The following RAD18 variants were observed in gnomAD, a reference collection of about 807,000 sequenced individuals.
RAD18 encodes E3 ubiquitin-protein ligase RAD18.
Under a neutral mutation model 60.4 loss-of-function variants are expected in RAD18, and 47 were observed. The ratio of observed to expected loss-of-function variants is 0.78; its 90% CI spans 0.62 to 0.99. RAD18 has a LOEUF of 0.99. RAD18 is among the 50% of genes least tolerant of loss of function. The pLI is 0.00. For missense variants in RAD18, 640 were observed against 593.3 expected, an observed-to-expected ratio of 1.08 and a Z score of -0.82; for synonymous variants, 225 against 195.5, an observed-to-expected ratio of 1.15 and a Z score of -1.26.
chr3:8,939,092 T>C (rs1940701153), intron 6 of RAD18, among the ~76,000 whole-genome samples: 2 of 152,056 alleles, frequency 1.3e-5, no homozygotes, highest in South Asian at 2.1e-4. Flanking sequence ...CCTTTTTATA[T>C]CATATATATT....
rs1939418281 is a variant in RAD18 at position 8,879,374 on chromosome 3, C to T, written c.*1983G>A. ...CTGCTGTCCCTACAAGAAATCGGGACACCAGTCCTGCACAGTCATGTGCAC... is the reference window on the plus strand; with the variant it reads ...CTGCTGTCCCTACAAGAAATCGGGATACCAGTCCTGCACAGTCATGTGCAC... On this transcript the variant is annotated 3_prime_UTR_variant, in exon 13 of 13. Transcript: ENST00000264926. 6.6e-6 allele frequency: 1 copy of T among 152,168 alleles called. No individual in the cohort carries two copies. Among genetic ancestry groups the T allele is most frequent in the African/African-American group, 2.4e-5 (1 of 41,442 alleles). 9.4% of individuals were successfully genotyped at this position (152,168 alleles called of 1,614,324 possible).
intron 1 of RAD18, 114 bp downstream of exon 1, chr3:8,963,221 C>A (rs1304009709): frequency 2.5e-6 from 3 of 1,202,614 alleles, no homozygotes; most frequent in African/African-American, 3.1e-5. Flanking sequence ...ATACCCGGGC[C>A]CAGTGCGACG....
chr3:8,937,938 C>A (rs1940679507), intron 6 of RAD18, among the ~76,000 whole-genome samples: 1 of 152,100 alleles, frequency 6.6e-6, no homozygotes, highest in South Asian at 2.1e-4. Flanking sequence ...AAACTGACAG[C>A]ATCAGAAATG....
chr3:8,940,707 GC>G (rs1940732850), intron 5 of RAD18, among the ~76,000 whole-genome samples: 1 of 152,210 alleles, frequency 6.6e-6, no homozygotes, highest in Non-Finnish European at 1.5e-5. Context: ...AAGTGCTATA[GC>G]ACTTTTGTGA....
At chr3:8,903,117 G>A (rs1158149623) in intron 9 of RAD18, among the ~76,000 whole-genome samples, 1 of 152,042 alleles carries the variant, frequency 6.6e-6, no homozygotes, top group Non-Finnish European at 1.5e-5. Context: ...TTTAAAAGCT[G>A]CCAAGCATAA....
intron 12 of RAD18, among the ~76,000 whole-genome samples, chr3:8,888,095 C>A (rs1158408468): frequency 6.6e-6 from 1 of 152,190 alleles, no homozygotes; most frequent in African/African-American, 2.4e-5. Flanking sequence ...CCTTGCCTTT[C>A]CTGAGAAAAC....
At position 8,935,902 on chromosome 3, in the gene RAD18, A is replaced by G. The variant is rs762360730; in HGVS notation, c.858T>C (p.Asn286=). The change falls in exon 7 of 13, where the codon AAT becomes AAC. Residue 286 remains asparagine (N), a synonymous_variant. Transcript: ENST00000264926. ...TAGGATGCAAAGCATCGCATTGGGC[A>G]TTGTACATGTGTACAAATTCTTGGT... ...KRHQEFVHMY[N]AQCDALHPKS... 9 of 1,605,704 alleles carry G rather than the reference A, an allele frequency of 5.6e-6. No individual in the cohort carries two copies. Among genetic ancestry groups the G allele is most frequent in the Admixed American group, 1.7e-5 (1 of 58,352 alleles).
intron 7 of RAD18, 55 bp downstream of exon 7, chr3:8,935,816 A>G: frequency 7.3e-7 from 1 of 1,375,580 alleles, no homozygotes; most frequent in African/African-American, 1.5e-5. Flanking sequence ...TTTCTGAGCT[A>G]CACAAAATTG....
chr3:8,913,588 A>T, intron 8 of RAD18, 56 bp downstream of exon 8: 1 of 1,189,578 alleles, frequency 8.4e-7, no homozygotes, highest in Non-Finnish European at 1.1e-6. Flanking sequence ...TAATTTTTGT[A>T]GGGTATTAAA....
chr3:8,889,565 T>C (rs1365149796), intron 12 of RAD18, among the ~76,000 whole-genome samples: 1 of 151,984 alleles, frequency 6.6e-6, no homozygotes, highest in African/African-American at 2.4e-5. Context: ...AGCTGCTGAG[T>C]AGGGGTGTAA....
At chr3:8,897,884 G>C (rs145481886) in intron 11 of RAD18, among the ~76,000 whole-genome samples, 1 of 151,942 alleles carries the variant, frequency 6.6e-6, no homozygotes, top group Admixed American at 6.6e-5. Context: ...TGGCCAACAC[G>C]GTGAAACCCT....
chr3:8,958,083 A>G (rs17049854), intron 2 of RAD18, among the ~76,000 whole-genome samples: 4,523 of 152,282 alleles, frequency 0.03, 238 homozygotes, highest in African/African-American at 0.1. Context: ...AACATTTTCT[A>G]AAGTAGTAAA....
intron 5 of RAD18, among the ~76,000 whole-genome samples, chr3:8,941,201 A>G (rs1940741253): frequency 6.6e-6 from 1 of 152,226 alleles, no homozygotes; most frequent in Admixed American, 6.5e-5. Flanking sequence ...GGGAAGAAAG[A>G]TTAAAAGCTG....
intron 7 of RAD18, among the ~76,000 whole-genome samples, chr3:8,930,629 A>G (rs898165671): frequency 6.6e-6 from 1 of 152,196 alleles, no homozygotes; most frequent in Non-Finnish European, 1.5e-5. Context: ...ATAAATAAAA[A>G]TATAATAATC....
At chr3:8,916,279 T>C (rs1480977690) in intron 7 of RAD18, among the ~76,000 whole-genome samples, 3 of 152,224 alleles carry the variant, frequency 2.0e-5, no homozygotes, top group African/African-American at 7.2e-5. Flanking sequence ...GATGCAGGAT[T>C]GAAAGACCTG....
intron 1 of RAD18, among the ~76,000 whole-genome samples, chr3:8,961,775 G>T (rs1941097934): frequency 6.6e-6 from 1 of 152,184 alleles, no homozygotes; most frequent in African/African-American, 2.4e-5. Flanking sequence ...GCTCTGTGGT[G>T]CCAAACTCTA....
chr3:8,953,522 T>C (rs528012478), intron 2 of RAD18, among the ~76,000 whole-genome samples: 1 of 152,314 alleles, frequency 6.6e-6, no homozygotes, highest in South Asian at 2.1e-4. Flanking sequence ...TGGGCAACTA[T>C]GACAACCCTT....
At chr3:8,921,060 A>T (rs1940310545) in intron 7 of RAD18, among the ~76,000 whole-genome samples, 1 of 152,236 alleles carries the variant, frequency 6.6e-6, no homozygotes, top group Non-Finnish European at 1.5e-5. Context: ...GGTAAACACT[A>T]TATAACTTAT....
At chr3:8,958,087 T>C (rs1329032163) in intron 2 of RAD18, among the ~76,000 whole-genome samples, 2 of 152,222 alleles carry the variant, frequency 1.3e-5, no homozygotes, top group African/African-American at 2.4e-5. Context: ...TTTTCTAAAG[T>C]AGTAAATTCT....
Sources: allele counts gnomAD v4.1 joint callset (sites outside exome capture counted in the v4.1 genomes callset), GRCh38; gene constraint gnomAD v4.1.1; transcripts MANE v1.5; gene names NCBI Gene and HGNC (gene_info 2026-07-23, HGNC 2026-07-21).